PRH1: variants seen among roughly 807,000 people sequenced by gnomAD.
PRH1 encodes salivary acidic proline-rich phosphoprotein 1/2.
In PRH1, 7 loss-of-function variants were observed where a neutral mutation model predicts 7.9. That is an observed-to-expected ratio of 0.89 (90% CI 0.50 to 1.67). PRH1 has a LOEUF of 1.67. Among genes scored for constraint, PRH1 ranks in the 40% most tolerant of loss-of-function variants. PRH1 has a pLI of 0.00. For missense variants in PRH1, 109 were observed against 223.6 expected (o/e 0.49, Z 3.27); for synonymous variants, 45 against 80.8 (o/e 0.56, Z 2.38).
intron 1 of PRH1, chr12:11,062,438 A>G: frequency 1.8e-6 from 2 of 1,134,280 alleles, no homozygotes; most frequent in Non-Finnish European, 2.4e-6. Flanking sequence ...TGCTGTGACC[A>G]GTGTCAAGCC....
intron 2 of PRH1, among the ~76,000 whole-genome samples, chr12:10,935,966 G>A (rs1228772028): frequency 1.3e-5 from 2 of 152,058 alleles, no homozygotes; most frequent in Non-Finnish European, 2.9e-5. Context: ...CCAGGATATT[G>A]AGCTGAATCT....
chr12:11,171,271 C>A, intron 1 of PRH1: 1 of 906,582 alleles, frequency 1.1e-6, no homozygotes, highest in Non-Finnish European at 1.4e-6. Context: ...GCTTACCGTC[C>A]TGCCGGTCCC....
intron 1 of PRH1, among the ~76,000 whole-genome samples, chr12:10,978,957 A>G (rs1939229292): frequency 1.3e-5 from 2 of 152,206 alleles, no homozygotes; most frequent in Non-Finnish European, 1.5e-5. Flanking sequence ...GGTTGTGATG[A>G]AAGGGAATGC....
chr12:11,030,628 C>G, intron 1 of PRH1: 4 of 1,614,192 alleles, frequency 2.5e-6, no homozygotes, highest in East Asian at 2.2e-5. Flanking sequence ...CGGCACATAA[C>G]AAGAGGAAAA....
chr12:11,009,431 T>C (rs917528758), intron 1 of PRH1, among the ~76,000 whole-genome samples: 2 of 151,996 alleles, frequency 1.3e-5, no homozygotes, highest in Admixed American at 6.6e-5. Context: ...TGGAAATATA[T>C]ACATTTCATC....
intron 1 of PRH1, among the ~76,000 whole-genome samples, chr12:11,147,399 G>T (rs987496354): frequency 1.3e-5 from 2 of 152,060 alleles, no homozygotes; most frequent in Non-Finnish European, 2.9e-5. Flanking sequence ...GGTTTCCCAG[G>T]CTGGTCTCGA....
chr12:11,111,096 G>A (rs1945577292), intron 1 of PRH1, among the ~76,000 whole-genome samples: 1 of 152,306 alleles, frequency 6.6e-6, no homozygotes, highest in Non-Finnish European at 1.5e-5. Context: ...GCAACAAGAA[G>A]AGCTAACTAT....
chr12:11,011,236 C>G (rs1008498363), intron 1 of PRH1, among the ~76,000 whole-genome samples: 1 of 152,020 alleles, frequency 6.6e-6, no homozygotes, highest in Non-Finnish European at 1.5e-5. Flanking sequence ...AGGTCCTGAC[C>G]TTAAATTCTA....
At position 11,056,043 on chromosome 12, in the gene PRH1, T is replaced by C. The variant is rs2256347; in HGVS notation, n.124-8855A>G. 4.2e-3 allele frequency among the ~76,000 whole-genome samples: 647 copies of C among 152,344 alleles called. 1 individual carries two copies. Among genetic ancestry groups the C allele is most frequent in the African/African-American group, 0.015 (626 of 41,564 alleles). ...ACACACACATACACACACCTCATAG[T>C]TGGGAAATATTATTGTCCTATAATT... On this transcript the variant is annotated intron_variant and non_coding_transcript_variant, in intron 1 of 4. Transcript: ENST00000541977.
chr12:11,114,959 A>T (rs1305509093), intron 1 of PRH1, among the ~76,000 whole-genome samples: 3 of 152,188 alleles, frequency 2.0e-5, no homozygotes, highest in African/African-American at 7.2e-5. Flanking sequence ...CCTTCACTAA[A>T]GAAAAATAGG....
chr12:11,123,254 C>T (rs1290907700), intron 1 of PRH1, among the ~76,000 whole-genome samples: 1 of 152,254 alleles, frequency 6.6e-6, no homozygotes, highest in African/African-American at 2.4e-5. Context: ...ATTTGGGCAG[C>T]TTATTTTTGA....
intron 2 of PRH1, among the ~76,000 whole-genome samples, chr12:10,925,509 G>T (rs1034092881): frequency 6.6e-6 from 1 of 152,132 alleles, no homozygotes; most frequent in African/African-American, 2.4e-5. Context: ...CATGTGGCTT[G>T]TATTAAGAAA....
rs1215382567 is a variant in PRH1, at chr12:11,089,594, CTAAA to C, written n.124-42410_124-42407del. Among the ~76,000 whole-genome samples, 4 of 129,684 alleles carry C rather than the reference CTAAA, an allele frequency of 3.1e-5. 1 individual carries two copies. The highest frequency in any genetic ancestry group is 7.0e-5 in the Non-Finnish European group (4 of 56,774). The allele number at this position is 129,684 out of a possible 152,430, so 85.1% of individuals were successfully genotyped here. A position where few individuals can be genotyped will look rare whatever the true frequency, so the allele number is the denominator to read the frequency against. On this transcript the variant is annotated intron_variant and non_coding_transcript_variant, in intron 1 of 4. Coordinates refer to the PRH1 transcript ENST00000541977. ...GCCATTTTTGTCTTGAATTTGACTT[CTAAA>C]TAAATGTTAGCACTTTAATAACAGG...
intron 2 of PRH1, among the ~76,000 whole-genome samples, chr12:10,944,668 C>T (rs896224398): frequency 1.4e-4 from 21 of 152,082 alleles, no homozygotes; most frequent in African/African-American, 4.8e-4. Context: ...CAGCTTTTGC[C>T]CATTCAGTAT....
chr12:11,121,878 T>A (rs1945916770), intron 1 of PRH1, among the ~76,000 whole-genome samples: 1 of 152,220 alleles, frequency 6.6e-6, no homozygotes, highest in Non-Finnish European at 1.5e-5. Context: ...CAATGATAGT[T>A]AAGTTCATAC....
chr12:11,100,695 T>C (rs1457733271), intron 1 of PRH1, among the ~76,000 whole-genome samples: 1 of 152,234 alleles, frequency 6.6e-6, no homozygotes, highest in Non-Finnish European at 1.5e-5. Flanking sequence ...CAAATGCTTT[T>C]TCTCATTCTT....
chr12:10,908,879 G>A, intron 2 of PRH1: 1 of 1,612,798 alleles, frequency 6.2e-7, no homozygotes, highest in Non-Finnish European at 8.5e-7. Flanking sequence ...TTAAAAATAA[G>A]AAGACCAAGG....
chr12:11,121,366 T>A (rs186517664), intron 1 of PRH1, among the ~76,000 whole-genome samples: 1,707 of 147,852 alleles, frequency 0.012, 16 homozygotes, highest in South Asian at 0.035. Flanking sequence ...CCTCTTTACA[T>A]TGAGTTTTTT....
chr12:11,103,072 G>C (rs559736776), intron 1 of PRH1, among the ~76,000 whole-genome samples: 3 of 152,216 alleles, frequency 2.0e-5, no homozygotes, highest in African/African-American at 7.2e-5. Context: ...GGAGAAATAG[G>C]AACAATTTAC....
Sources: allele counts gnomAD v4.1 joint callset (sites outside exome capture counted in the v4.1 genomes callset), GRCh38; gene constraint gnomAD v4.1.1; transcripts MANE v1.5; gene names NCBI Gene and HGNC (gene_info 2026-07-23, HGNC 2026-07-21).